Variants in NEDD4L observed in about 807,000 individuals in gnomAD.
NEDD4L encodes the protein NEDD4 like E3 ubiquitin protein ligase, also known as E3 ubiquitin-protein ligase NEDD4-like.
Under a neutral mutation model 148.9 loss-of-function variants are expected in NEDD4L, and 54 were observed. The ratio of observed to expected loss-of-function variants is 0.36; its 90% CI spans 0.29 to 0.45. The LOEUF is 0.45. NEDD4L is among the 20% of genes least tolerant of loss of function. NEDD4L has a pLI of 1.00. For missense variants in NEDD4L, 856 were observed against 1,233.8 expected (o/e 0.69, Z 4.59); for synonymous variants, 433 against 440.7 (o/e 0.98, Z 0.22).
rs1601753996 is a variant in NEDD4L at position 58,366,911 on chromosome 18, A to G, written c.2063+683A>G. Among the ~76,000 whole-genome samples the G allele has an allele frequency of 6.6e-6, 1 of 152,200 alleles. No homozygotes were observed. The highest frequency in any genetic ancestry group is 1.5e-5 in the Non-Finnish European group (1 of 68,032). ...TCTAAGGGGACGTGGGTTCCCCCACATCTCCCACCTGGTACCAGTCTCCTG... is the reference window on the plus strand; with the variant it reads ...TCTAAGGGGACGTGGGTTCCCCCACGTCTCCCACCTGGTACCAGTCTCCTG... On this transcript the variant is annotated intron_variant, in intron 21 of 30. Transcript: ENST00000400345. The surrounding 1 kb of genome is among the most constrained non-coding windows in gnomAD (Gnocchi z 4.2).
chr18:58,370,244 C>T (rs114495949), intron 22 of NEDD4L, among the ~76,000 whole-genome samples, 153 bp from the exon 23 acceptor site: 3 of 152,318 alleles, frequency 2.0e-5, no homozygotes, highest in African/African-American at 4.8e-5. Flanking sequence ...CCCCTGATCT[C>T]GCCTCCTCGC....
At chr18:58,202,302 T>C (rs2041501679) in intron 2 of NEDD4L, among the ~76,000 whole-genome samples, 1 of 152,208 alleles carries the variant, frequency 6.6e-6, no homozygotes, top group African/African-American at 2.4e-5. Context: ...GCAGGTGATA[T>C]TCTTTCTGTT....
intron 2 of NEDD4L, among the ~76,000 whole-genome samples, chr18:58,224,574 C>A (rs527776743): frequency 7.0e-4 from 107 of 152,268 alleles, no homozygotes; most frequent in Non-Finnish European, 6.5e-4. Context: ...AGTGAGTGAT[C>A]TATCTGAAAG....
At chr18:58,261,508 T>C (rs1458281499) in intron 5 of NEDD4L, among the ~76,000 whole-genome samples, 6 of 152,244 alleles carry the variant, frequency 3.9e-5, no homozygotes, top group Non-Finnish European at 5.9e-5. Flanking sequence ...TTTTCATAAA[T>C]GGTGCAGCTG....
At chr18:58,265,614 G>A (rs553516364) in intron 5 of NEDD4L, among the ~76,000 whole-genome samples, 3 of 152,196 alleles carry the variant, frequency 2.0e-5, no homozygotes, top group South Asian at 2.1e-4. Flanking sequence ...GCCCAGGCTG[G>A]AGTACGGTGG....
Position 58,234,121 on chromosome 18 carries a change from C to CTTTT in NEDD4L, c.123-11306_123-11305insTTTT, listed in dbSNP as rs1555753563. On this transcript the variant is annotated intron_variant, in intron 2 of 30. Transcript: ENST00000400345. ...TCTTTCTTTTCTTTTCTTTTCTTTT[C>CTTTT]CTTCTTTTTTTCTTTCTTTCTCTCT... Among the ~76,000 whole-genome samples the CTTTT allele has an allele frequency of 6.9e-3, 193 of 27,954 alleles. 2 individuals are homozygous for CTTTT. Among genetic ancestry groups the CTTTT allele is most frequent in the African/African-American group, 0.017 (175 of 10,350 alleles). 18.3% of individuals were successfully genotyped at this position (27,954 alleles called of 152,430 possible).
At chr18:58,352,968 C>A (rs904720618) in intron 18 of NEDD4L, among the ~76,000 whole-genome samples, 5 of 152,204 alleles carry the variant, frequency 3.3e-5, no homozygotes, top group African/African-American at 1.2e-4. Flanking sequence ...CTGACTATTT[C>A]ACTTGTGGTG....
intron 1 of NEDD4L, chr18:58,090,765 A>G (rs1225434870): frequency 6.6e-6 from 1 of 152,260 alleles, no homozygotes; most frequent in Non-Finnish European, 1.5e-5. Flanking sequence ...GGCACGAGCC[A>G]ATGCACCTGG....
rs76201597 is a variant in NEDD4L, at chr18:58,183,897, T to C, written c.122+18036T>C. Among the ~76,000 whole-genome samples the C allele has an allele frequency of 9.5e-3, 1,445 of 152,302 alleles. 21 individuals are homozygous for C. The highest frequency in any genetic ancestry group is 0.029 in the African/African-American group (1,210 of 41,564). On this transcript the variant is annotated intron_variant, in intron 2 of 30. Coordinates refer to ENST00000400345, the MANE Select transcript of NEDD4L (RefSeq NM_001144967.3). ...CTGTTAAGACTTCTAAGGCCAGGCA[T>C]GGTGGCTCACGCCTGTAATCCCAGC...
Position 58,165,823 on chromosome 18 carries a change from T to G in NEDD4L, c.84T>G (p.Ser28=), listed in dbSNP as rs1247097633. ...ESRILRVKVV[S]GIDLAKKDIF... is the part of the protein sequence containing the mutation. ...GTATTCTCAGAGTAAAAGTTGTTTC[T>G]GGAATTGATCTCGCCAAAAAGGACA... is the stretch of plus-strand genomic sequence containing the variant. Residue 28 remains serine (S), a synonymous_variant, in exon 2 of 31, where the codon TCT becomes TCG. Transcript: ENST00000400345. 1 of 1,611,278 alleles carries G rather than the reference T, an allele frequency of 6.2e-7. No individual in the cohort carries two copies. The highest frequency in any genetic ancestry group is 8.5e-7 in the Non-Finnish European group (1 of 1,178,636).
chr18:58,217,327 G>T (rs569000627), intron 2 of NEDD4L, among the ~76,000 whole-genome samples: 42 of 152,140 alleles, frequency 2.8e-4, no homozygotes, highest in Non-Finnish European at 4.9e-4. Context: ...CCCTCCAAGT[G>T]TCCTAGTTTC....
intron 16 of NEDD4L, among the ~76,000 whole-genome samples, chr18:58,347,205 G>C (rs1463234976): frequency 1.3e-4 from 5 of 39,584 alleles, no homozygotes; most frequent in South Asian, 1.1e-3. Context: ...TCACGCTACG[G>C]CCCCCCCCGC....
At chr18:58,135,023 G>A (rs1194043598) in intron 1 of NEDD4L, among the ~76,000 whole-genome samples, 1 of 151,720 alleles carries the variant, frequency 6.6e-6, no homozygotes, top group Non-Finnish European at 1.5e-5. Flanking sequence ...TCTATAATTG[G>A]ACTATACCCT....
chr18:58,305,870 G>A (rs963170207), intron 5 of NEDD4L, among the ~76,000 whole-genome samples: 8 of 152,104 alleles, frequency 5.3e-5, no homozygotes, highest in African/African-American at 1.4e-4. Context: ...GGAGGGAGCC[G>A]GGAGACTTAG....
intron 1 of NEDD4L, among the ~76,000 whole-genome samples, chr18:58,124,376 G>C (rs1426293731): frequency 2.0e-5 from 3 of 152,196 alleles, no homozygotes; most frequent in South Asian, 2.1e-4. Context: ...CATGTTGTCT[G>C]TTCCTCCCCG....
Position 58,084,671 on chromosome 18 carries a change from T to TGTGTGTGTG in NEDD4L, c.48+39963_48+39964insGTGTGTGTG, listed in dbSNP as rs1555686019. ...CTTCTCACTATATCTTGTGGGGTTT[T>TGTGTGTGTG]TGTGTGTGTGTGTGTGTGTGTGTGT... On this transcript the variant is annotated intron_variant, in intron 1 of 30. Transcript: ENST00000400345. Among the ~76,000 whole-genome samples, 125 of 133,824 alleles carry TGTGTGTGTG rather than the reference T, an allele frequency of 9.3e-4. 1 individual carries two copies. The highest frequency in any genetic ancestry group is 1.5e-3 in the South Asian group (6 of 3,902). The allele number at this position is 133,824 out of a possible 152,430, so 87.8% of individuals were successfully genotyped here.
intron 1 of NEDD4L, among the ~76,000 whole-genome samples, chr18:58,063,204 C>T (rs1429252447): frequency 6.6e-6 from 1 of 151,614 alleles, no homozygotes; most frequent in Non-Finnish European, 1.5e-5. Flanking sequence ...CGCCACCATG[C>T]CTGGCTAATT....
At chr18:58,349,313 T>C (rs555364306) in intron 16 of NEDD4L, among the ~76,000 whole-genome samples, 1 of 152,214 alleles carries the variant, frequency 6.6e-6, no homozygotes, top group South Asian at 2.1e-4. Context: ...CATGTAAATA[T>C]TCTTACTCTC....
At chr18:58,089,046 C>G (rs899729041) in intron 1 of NEDD4L, among the ~76,000 whole-genome samples, 3 of 151,890 alleles carry the variant, frequency 2.0e-5, no homozygotes, top group African/African-American at 7.3e-5. Flanking sequence ...AGCTTTTGCT[C>G]CATAATGTGG....
Sources: gnomAD v4.1 joint callset for allele counts (sites outside exome capture counted in the v4.1 genomes callset) on GRCh38, gnomAD v4.1.1 for gene constraint, Gnocchi (gnomAD v3.1) non-coding constraint, MANE v1.5 for transcripts, NCBI Gene and HGNC (gene_info 2026-07-23, HGNC 2026-07-21) for gene names.